HOXB3: variants seen among roughly 807,000 people sequenced by gnomAD.
The protein encoded by HOXB3 is homeobox B3, also known as homeobox protein Hox-B3.
In HOXB3, 17 loss-of-function variants were observed where a neutral mutation model predicts 29.2. The observed-to-expected ratio is 0.58, with a 90% CI of 0.40 to 0.87. The LOEUF is 0.87. Among genes scored for constraint, HOXB3 ranks in the 40% least tolerant of loss-of-function variants. The pLI is 0.00. For synonymous variants in HOXB3, 317 were observed against 285.9 expected, an observed-to-expected ratio of 1.11 and a Z score of -1.10; for missense variants, 637 against 616.3, an observed-to-expected ratio of 1.03 and a Z score of -0.35.
At chr17:48,573,599 A>G (rs1228538126) in intron 2 of HOXB3, among the ~76,000 whole-genome samples, 1 of 152,030 alleles carries the variant, frequency 6.6e-6, no homozygotes, top group East Asian at 1.9e-4. Context: ...GGGCCCTGAC[A>G]CCTCAGTCCC....
intron 2 of HOXB3, among the ~76,000 whole-genome samples, chr17:48,573,019 A>G (rs538865056): frequency 1.3e-5 from 2 of 152,210 alleles, no homozygotes; most frequent in East Asian, 3.9e-4. Flanking sequence ...CTCAGGGAAA[A>G]AGGGCCAACA....
At chr17:48,584,542 A>G (rs923370067) in intron 1 of HOXB3, among the ~76,000 whole-genome samples, 1 of 152,216 alleles carries the variant, frequency 6.6e-6, no homozygotes, top group Non-Finnish European at 1.5e-5. Flanking sequence ...AAACCTTCAC[A>G]TTGGAAGTAT....
chr17:48,558,131 T>C (rs1016401811), intron 2 of HOXB3, among the ~76,000 whole-genome samples: 2 of 152,116 alleles, frequency 1.3e-5, no homozygotes, highest in Non-Finnish European at 2.9e-5. Flanking sequence ...ATTGTAAAAC[T>C]GAGAGAAGAG....
At chr17:48,588,146 C>A (rs889685207) in intron 1 of HOXB3, among the ~76,000 whole-genome samples, 3 of 152,204 alleles carry the variant, frequency 2.0e-5, no homozygotes, top group African/African-American at 7.2e-5. Context: ...TCCCTTCACA[C>A]CTCTCATTGC....
At position 48,554,890 on chromosome 17, in the gene HOXB3, A is replaced by G; in HGVS notation, c.-159+641T>C. ...GAGAAAGGTGCTAAGGGGACCCAAG[A>G]TCTGGGATCCAGAACAAGAGGGGGT... On this transcript the variant is annotated intron_variant, in intron 3 of 4. Transcript: ENST00000498678. The surrounding 1 kb of genome is among the most constrained non-coding windows in gnomAD (Gnocchi z 4.1). 2 of 695,924 alleles carry G rather than the reference A, an allele frequency of 2.9e-6. No homozygotes were observed. The highest frequency in any genetic ancestry group is 3.0e-5 in the South Asian group (2 of 67,328). 43.1% of individuals were successfully genotyped at this position (695,924 alleles called of 1,614,324 possible).
intron 2 of HOXB3, among the ~76,000 whole-genome samples, chr17:48,559,083 T>C (rs2069104369): frequency 6.6e-6 from 1 of 151,978 alleles, no homozygotes; most frequent in South Asian, 2.1e-4. Flanking sequence ...TTCACAGACA[T>C]CTTTTCCTCT....
chr17:48,550,276 A>T lies in HOXB3; in HGVS notation c.*58T>A. The T allele has an allele frequency of 6.2e-7, 1 of 1,607,378 alleles. No homozygotes were observed. The highest frequency in any genetic ancestry group is 8.5e-7 in the Non-Finnish European group (1 of 1,177,604). ...TTTTCAGACCTCCAGGTTGCCCCCCAGAGCTCCACAGTCTCTCTCTTCCTC... is the reference window on the plus strand; with the variant it reads ...TTTTCAGACCTCCAGGTTGCCCCCCTGAGCTCCACAGTCTCTCTCTTCCTC... On this transcript the variant is annotated 3_prime_UTR_variant, in exon 5 of 5. Coordinates refer to ENST00000498678, the MANE Select transcript of HOXB3 (RefSeq NM_001384749.1).
At position 48,552,490 on chromosome 17, in the gene HOXB3, G is replaced by A; in HGVS notation, c.-16C>T. The A allele has an allele frequency of 6.5e-7, 1 of 1,544,278 alleles. No individual in the cohort carries two copies. Among genetic ancestry groups the A allele is most frequent in the Non-Finnish European group, 8.8e-7 (1 of 1,142,192 alleles). ...CTTTCTGCATCGCTGGGTGAGGCCT[G>A]GGCAGTGGGTGGCAACTTGGAAAGG... On this transcript the variant is annotated 5_prime_UTR_variant, in exon 4 of 5. It introduces an in-frame stop codon into an upstream open reading frame of the 5' UTR. Coordinates refer to ENST00000498678, the MANE Select transcript of HOXB3 (RefSeq NM_001384749.1).
chr17:48,555,652 A>C, intron 2 of HOXB3, 34 bp from the exon 3 acceptor site: 1 of 700,630 alleles, frequency 1.4e-6, no homozygotes, highest in South Asian at 1.5e-5. Flanking sequence ...CCACTGTTTA[A>C]AGCTGCGTCG....
Position 48,552,021 on chromosome 17 carries a change from T to C in HOXB3, c.448+6A>G. ...GCTGAGGACAAGGAAGGCAGAGAAC[T>C]GGTACCTGTGCCGGGGGAGTTGTTT... On this transcript the variant is annotated splice_donor_region_variant and intron_variant, in intron 4 of 4. Transcript: ENST00000498678. 6.4e-7 allele frequency: 1 copy of C among 1,559,582 alleles called. No individual in the cohort carries two copies. The highest frequency in any genetic ancestry group is 1.8e-5 in the Admixed American group (1 of 55,872).
In HOXB3 at chr17:48,550,241, C is replaced by T; in HGVS notation, c.*93G>A. ...CCAGGAAGCCTGGGTACCACCTTCT[C>T]TGGCTCCTCTTTTCAGACCTCCAGG... On this transcript the variant is annotated 3_prime_UTR_variant, in exon 5 of 5. Transcript: ENST00000498678. 9 of 1,544,730 alleles carry T rather than the reference C, an allele frequency of 5.8e-6. No individual in the cohort carries two copies. The highest frequency in any genetic ancestry group is 7.9e-6 in the Non-Finnish European group (9 of 1,139,944).
At chr17:48,553,668 CAG>C (rs990331104) in intron 3 of HOXB3, 15 of 150,916 alleles carry the variant, frequency 9.9e-5, no homozygotes, top group African/African-American at 3.4e-4. Context: ...AGGTTAGAAA[CAG>C]AGGTATTCCT....
chr17:48,551,887 G>A, intron 4 of HOXB3, 140 bp downstream of exon 4: 1 of 753,614 alleles, frequency 1.3e-6, no homozygotes, highest in Non-Finnish European at 2.2e-6. Flanking sequence ...TAGGGGGTAG[G>A]GGTATCAAAA....
chr17:48,585,416 G>A (rs1272982321), intron 1 of HOXB3, among the ~76,000 whole-genome samples: 1 of 152,236 alleles, frequency 6.6e-6, no homozygotes. Context: ...GGGCCGCTGT[G>A]CTCACAGGGC....
chr17:48,578,382 T>A lies in HOXB3; in HGVS notation c.-424-4368A>T, dbSNP rs1363963976. 7 of 1,554,058 alleles carry A rather than the reference T, an allele frequency of 4.5e-6. No individual in the cohort carries two copies. The South Asian group carries it at 8.4e-5, about 19-fold the overall frequency. On this transcript the variant is annotated intron_variant, in intron 1 of 4. Transcript: ENST00000498678. ...TATTCCGACCCCTGACTCGTTTTCC[T>A]GTTTCCGAAAGCCCTCCTACTTACT...
At chr17:48,574,955 A>G (rs2069712449) in intron 1 of HOXB3, 1 of 152,256 alleles carries the variant, frequency 6.6e-6, no homozygotes, top group Non-Finnish European at 1.5e-5. Context: ...TAATATAAAA[A>G]TACTCTGAAA....
intron 2 of HOXB3, among the ~76,000 whole-genome samples, chr17:48,567,518 A>T (rs2069430827): frequency 6.6e-6 from 1 of 152,130 alleles, no homozygotes; most frequent in African/African-American, 2.4e-5. Flanking sequence ...CATTCCCCAA[A>T]GCCACCTCTG....
In HOXB3 at chr17:48,549,201, CAT is replaced by C. The variant is rs879245674; in HGVS notation, c.*1131_*1132del. ...GTACAATTTTTTCCTTTTTTTCCCTCATATAAATACATAATGTAGGGGGATAA... is the reference window on the plus strand; with the variant it reads ...GTACAATTTTTTCCTTTTTTTCCCTCATAAATACATAATGTAGGGGGATAA... On this transcript the variant is annotated 3_prime_UTR_variant, in exon 5 of 5. Coordinates refer to ENST00000498678, the MANE Select transcript of HOXB3 (RefSeq NM_001384749.1). 1.3e-5 allele frequency: 2 copies of C among 152,444 alleles called. No homozygotes were observed. Among genetic ancestry groups the C allele is most frequent in the South Asian group, 4.2e-4 (2 of 4,814 alleles). The allele number at this position is 152,444 out of a possible 1,614,324, so 9.4% of individuals were successfully genotyped here.
chr17:48,555,418 G>A, intron 3 of HOXB3, 113 bp downstream of exon 3: 1 of 681,784 alleles, frequency 1.5e-6, no homozygotes, highest in Non-Finnish European at 2.7e-6. Flanking sequence ...GTGGAAGGAA[G>A]CTTAAAGCTT....
Sources: allele counts gnomAD v4.1 joint callset (sites outside exome capture counted in the v4.1 genomes callset), GRCh38; gene constraint gnomAD v4.1.1; non-coding constraint Gnocchi (gnomAD v3.1); transcripts MANE v1.5; gene names NCBI Gene and HGNC (gene_info 2026-07-23, HGNC 2026-07-21).